ESR1: variants seen among roughly 807,000 people sequenced by gnomAD.
ESR1 encodes the protein estrogen receptor 1, also known as estrogen receptor.
In ESR1, 12 loss-of-function variants were observed where a neutral mutation model predicts 52.7. The observed-to-expected ratio is 0.23, with a 90% confidence interval of 0.15 to 0.37. The LOEUF is 0.37. ESR1 is among the 10% of genes least tolerant of loss of function. The pLI is 1.00. For missense variants in ESR1, 584 were observed against 779.7 expected (o/e 0.75, Z 2.99); for synonymous variants, 305 against 316.8 (o/e 0.96, Z 0.39).
intron 4 of ESR1, among the ~76,000 whole-genome samples, chr6:151,957,120 G>A (rs577568884): frequency 3.0e-4 from 46 of 151,716 alleles, no homozygotes; most frequent in African/African-American, 1.1e-3. Flanking sequence ...CTCGTGATCC[G>A]CCCACCTCGG....
intron 3 of ESR1, among the ~76,000 whole-genome samples, chr6:151,906,267 G>T (rs567762033): frequency 2.6e-5 from 4 of 152,018 alleles, no homozygotes; most frequent in Non-Finnish European, 5.9e-5. Flanking sequence ...AGTTTACTTA[G>T]TCAATTCAGG....
At chr6:151,688,137 G>A (rs1164464233), upstream of ESR1, among the ~76,000 whole-genome samples, 5 of 152,104 alleles carry the variant, frequency 3.3e-5, no homozygotes, top group South Asian at 8.3e-4. Context: ...AAATGTATTG[G>A]TCCAAGCACA....
At chr6:151,991,953 T>C (rs913467760) in intron 4 of ESR1, among the ~76,000 whole-genome samples, 1 of 152,082 alleles carries the variant, frequency 6.6e-6, no homozygotes, top group African/African-American at 2.4e-5. Context: ...TCTTTTTAAC[T>C]GACATGAGCA....
At chr6:152,112,454 G>A (rs539263684) in intron 6 of ESR1, among the ~76,000 whole-genome samples, 1 of 152,272 alleles carries the variant, frequency 6.6e-6, no homozygotes, top group East Asian at 1.9e-4. Context: ...GCAGCTACCA[G>A]GGATATTTAG....
intron 6 of ESR1, among the ~76,000 whole-genome samples, chr6:152,070,018 T>C (rs2048248846): frequency 7.3e-6 from 1 of 137,746 alleles, no homozygotes; most frequent in Non-Finnish European, 1.5e-5. Flanking sequence ...CAAGGGAATT[T>C]CTGGCAACAA....
intron 2 of ESR1, among the ~76,000 whole-genome samples, chr6:151,859,461 A>G (rs78796841): frequency 0.016 from 2,441 of 152,248 alleles, 33 homozygotes; most frequent in Non-Finnish European, 0.023. Context: ...AATGGATTTC[A>G]ATGGAAGGTT....
chr6:151,725,208 C>G (rs1470736780), intron 2 of ESR1, among the ~76,000 whole-genome samples: 1 of 152,078 alleles, frequency 6.6e-6, no homozygotes, highest in East Asian at 1.9e-4. Context: ...TATTATTCCC[C>G]CCAGGGCGGT....
intron 6 of ESR1, among the ~76,000 whole-genome samples, chr6:152,108,932 C>T (rs180942742): frequency 2.6e-5 from 4 of 152,270 alleles, no homozygotes; most frequent in Admixed American, 6.5e-5. Context: ...AATTGGCTTA[C>T]GGTTCTGCAG....
upstream of ESR1, among the ~76,000 whole-genome samples, chr6:151,688,419 G>A (rs1778771371): frequency 6.6e-6 from 1 of 152,108 alleles, no homozygotes; most frequent in Admixed American, 6.6e-5. Flanking sequence ...GCTGGTATGG[G>A]TACTTAATCT....
At chr6:151,736,375 G>GTTTTTTTTTTCTTTTTTTTT (rs1782667588) in intron 2 of ESR1, among the ~76,000 whole-genome samples, 1 of 112,742 alleles carries the variant, frequency 8.9e-6, no homozygotes, top group African/African-American at 3.8e-5. Flanking sequence ...TCCAGGTAGT[G>GTTTTTTTTTTCTTTTTTTTT]TTTTTTTTTT....
intron 1 of ESR1, among the ~76,000 whole-genome samples, chr6:151,667,235 C>T (rs1354904232): frequency 6.6e-6 from 1 of 151,836 alleles, no homozygotes; most frequent in African/African-American, 2.4e-5. Flanking sequence ...CTTTACATAT[C>T]AGAACACTTG....
At chr6:152,116,232 C>T (rs371601403) in intron 6 of ESR1, among the ~76,000 whole-genome samples, 7 of 152,260 alleles carry the variant, frequency 4.6e-5, no homozygotes, top group East Asian at 1.9e-4. Flanking sequence ...AACAATACAT[C>T]TTGGAGAAAT....
At chr6:152,024,584 G>C (rs1004704695) in intron 5 of ESR1, among the ~76,000 whole-genome samples, 3 of 150,064 alleles carry the variant, frequency 2.0e-5, no homozygotes, top group African/African-American at 7.3e-5. Flanking sequence ...TGTGTATTTT[G>C]CACAAATTTT....
intron 4 of ESR1, among the ~76,000 whole-genome samples, chr6:151,985,807 C>A (rs970327538): frequency 6.6e-6 from 1 of 151,950 alleles, no homozygotes; most frequent in Non-Finnish European, 1.5e-5. Flanking sequence ...AACTGGATTA[C>A]AGGTGTGTGC....
Position 152,061,243 on chromosome 6 carries a change from A to C in ESR1, c.1369+119A>C. On this transcript the variant is annotated intron_variant, in intron 6 of 7. Transcript: ENST00000206249. The surrounding 1 kb of genome is among the most constrained non-coding windows in gnomAD (Gnocchi z 4.3). ...TCATAAATAGAAAGAAACTACTGAC[A>C]CACGTTTTAAAATAACCTACCAACA... 1 of 1,001,054 alleles carries C rather than the reference A, an allele frequency of 1.0e-6. No individual in the cohort carries two copies. Among genetic ancestry groups the C allele is most frequent in the Non-Finnish European group, 1.6e-6 (1 of 643,108 alleles). The allele number at this position is 1,001,054 out of a possible 1,614,324, so 62.0% of individuals were successfully genotyped here.
At chr6:151,707,756 A>G (rs1780294189) in intron 2 of ESR1, among the ~76,000 whole-genome samples, 1 of 152,098 alleles carries the variant, frequency 6.6e-6, no homozygotes, top group Admixed American at 6.5e-5. Flanking sequence ...ATTGTATTGT[A>G]GAAGTTCTCT....
downstream of ESR1, among the ~76,000 whole-genome samples, chr6:152,104,699 A>G (rs1210990817): frequency 6.6e-6 from 1 of 152,118 alleles, no homozygotes; most frequent in Non-Finnish European, 1.5e-5. Context: ...TTGTTCTAAT[A>G]TTTGGTCTTT....
At chr6:151,979,363 T>G (rs1039784369) in intron 4 of ESR1, among the ~76,000 whole-genome samples, 1 of 152,176 alleles carries the variant, frequency 6.6e-6, no homozygotes, top group African/African-American at 2.4e-5. Flanking sequence ...ACAAAATTGG[T>G]TTAAATTATC....
chr6:151,718,846 C>G (rs1317901344), intron 2 of ESR1, among the ~76,000 whole-genome samples: 1 of 152,128 alleles, frequency 6.6e-6, no homozygotes, highest in Non-Finnish European at 1.5e-5. Context: ...GTGGCTCTAC[C>G]TTTTCTCTTT....
Sources: gnomAD v4.1 joint callset for allele counts (sites outside exome capture counted in the v4.1 genomes callset) on GRCh38, gnomAD v4.1.1 for gene constraint, Gnocchi (gnomAD v3.1) non-coding constraint, MANE v1.5 for transcripts, NCBI Gene and HGNC (gene_info 2026-07-23, HGNC 2026-07-21) for gene names.